Variants in CNTN5 observed in about 807,000 individuals in gnomAD.
CNTN5 encodes the protein contactin 5.
CNTN5 carries 77 observed loss-of-function variants against 129.1 expected under a neutral mutation model. The observed-to-expected ratio is 0.60, with a 90% CI of 0.50 to 0.72. The LOEUF (loss-of-function observed/expected upper bound fraction) is 0.72. Ranked by LOEUF, CNTN5 falls within the 30% of genes least tolerant of loss-of-function variation. The pLI, the probability that CNTN5 is intolerant of heterozygous loss-of-function variation, is 0.00. For synonymous variants in CNTN5, 509 were observed against 465.6 expected (o/e 1.09, Z -1.20); for missense variants, 1,478 against 1,328.8 (o/e 1.11, Z -1.75).
intron 2 of CNTN5, among the ~76,000 whole-genome samples, chr11:99,454,407 T>C (rs1433826813): frequency 6.6e-6 from 1 of 152,182 alleles, no homozygotes; most frequent in Non-Finnish European, 1.5e-5. Context: ...CCCCATGCTG[T>C]TCTCATAATA....
chr11:99,127,027 CT>C (rs1396240919), intron 1 of CNTN5, among the ~76,000 whole-genome samples: 2 of 152,112 alleles, frequency 1.3e-5, no homozygotes, highest in East Asian at 1.9e-4. Context: ...GTATTGATGA[CT>C]TTTTCTTTCC....
chr11:100,020,038 C>T (rs1461075516), intron 9 of CNTN5, among the ~76,000 whole-genome samples: 2 of 151,912 alleles, frequency 1.3e-5, no homozygotes, highest in Non-Finnish European at 2.9e-5. Context: ...GATATTAAAT[C>T]TTTATCATAT....
chr11:99,023,819 C>G (rs1862992942), intron 1 of CNTN5, among the ~76,000 whole-genome samples: 1 of 152,088 alleles, frequency 6.6e-6, no homozygotes, highest in Non-Finnish European at 1.5e-5. Flanking sequence ...ATTTCTCTTA[C>G]TTTAAATAAT....
chr11:99,467,533 T>C (rs1326559609), intron 2 of CNTN5, among the ~76,000 whole-genome samples: 1 of 152,182 alleles, frequency 6.6e-6, no homozygotes, highest in Non-Finnish European at 1.5e-5. Flanking sequence ...ATCTGCTCGG[T>C]TAACTCATCC....
intron 3 of CNTN5, among the ~76,000 whole-genome samples, chr11:99,626,089 T>C (rs1330452809): frequency 6.6e-6 from 1 of 151,892 alleles, no homozygotes; most frequent in Non-Finnish European, 1.5e-5. Context: ...AGAGATGTGT[T>C]AAGGGGTGAA....
chr11:99,686,048 C>T (rs927867464), intron 3 of CNTN5, among the ~76,000 whole-genome samples: 5 of 151,962 alleles, frequency 3.3e-5, no homozygotes, highest in Admixed American at 2.6e-4. Flanking sequence ...GTACAGTGAC[C>T]ATATTTCAAA....
At position 100,130,144 on chromosome 11, in the gene CNTN5, T is replaced by C. The variant is rs186483394; in HGVS notation, c.1580+55850T>C. Among the ~76,000 whole-genome samples the C allele has an allele frequency of 4.3e-4, 66 of 152,292 alleles. 1 individual carries two copies. Among genetic ancestry groups the C allele is most frequent in the Admixed American group, 2.6e-3 (39 of 15,284 alleles). ...TTCAAATTAAACCCACACTTTCTCA[T>C]TGATATCCGCATATTCTTTAAGAAA... On this transcript the variant is annotated intron_variant, in intron 13 of 24. Coordinates refer to ENST00000524871, the MANE Select transcript of CNTN5 (RefSeq NM_014361.4).
At chr11:99,989,721 G>A (rs1192007925) in intron 8 of CNTN5, among the ~76,000 whole-genome samples, 2 of 151,942 alleles carry the variant, frequency 1.3e-5, no homozygotes, top group Non-Finnish European at 2.9e-5. Context: ...CTCACTTAAA[G>A]TAAATATTTA....
At chr11:99,667,722 A>G (rs146703405) in intron 3 of CNTN5, among the ~76,000 whole-genome samples, 67 of 152,214 alleles carry the variant, frequency 4.4e-4, no homozygotes, top group African/African-American at 1.5e-3. Context: ...ACATGTTCTC[A>G]CTCATAAGTG....
At chr11:100,327,374 C>G (rs1318492642) in intron 21 of CNTN5, among the ~76,000 whole-genome samples, 1 of 152,228 alleles carries the variant, frequency 6.6e-6, no homozygotes, top group Non-Finnish European at 1.5e-5. Flanking sequence ...CCCACATCCC[C>G]CTCTTTCCAG....
intron 18 of CNTN5, among the ~76,000 whole-genome samples, chr11:100,283,356 G>T (rs1950684109): frequency 6.6e-6 from 1 of 152,140 alleles, no homozygotes; most frequent in South Asian, 2.1e-4. Context: ...TGGGAGGAAG[G>T]TATCTCTTAT....
intron 2 of CNTN5, among the ~76,000 whole-genome samples, chr11:99,477,239 C>T (rs1417499603): frequency 6.6e-6 from 1 of 151,850 alleles, no homozygotes; most frequent in Non-Finnish European, 1.5e-5. Flanking sequence ...ACAATTGAGA[C>T]TCTTTTAAAA....
At chr11:99,380,251 A>G (rs571428523) in intron 2 of CNTN5, among the ~76,000 whole-genome samples, 1 of 152,166 alleles carries the variant, frequency 6.6e-6, no homozygotes, top group Non-Finnish European at 1.5e-5. Context: ...TTCAGAGAAT[A>G]CTACACACTT....
intron 6 of CNTN5, among the ~76,000 whole-genome samples, chr11:99,887,979 C>G (rs1025964395): frequency 6.6e-6 from 1 of 152,120 alleles, no homozygotes; most frequent in African/African-American, 2.4e-5. Context: ...ATCCTTCAAT[C>G]CAGTCAAGTT....
At chr11:100,115,273 C>T (rs1007630998) in intron 13 of CNTN5, among the ~76,000 whole-genome samples, 3 of 152,024 alleles carry the variant, frequency 2.0e-5, no homozygotes, top group Admixed American at 2.0e-4. Context: ...GTGGTGACTA[C>T]AAGTTGTCTT....
chr11:99,234,543 T>C (rs1354473095), intron 1 of CNTN5, among the ~76,000 whole-genome samples: 2 of 152,146 alleles, frequency 1.3e-5, no homozygotes, highest in African/African-American at 4.8e-5. Context: ...ACTGTACATA[T>C]CATACCATTG....
At chr11:99,449,666 G>A (rs2135185312) in intron 2 of CNTN5, among the ~76,000 whole-genome samples, 1 of 152,300 alleles carries the variant, frequency 6.6e-6, no homozygotes, top group South Asian at 2.1e-4. Context: ...TTTAGATGGA[G>A]GGTCAGCTGG....
At position 100,002,114 on chromosome 11, in the gene CNTN5, A is replaced by G. The variant is rs1939912557; in HGVS notation, c.958A>G (p.Met320Val). The change falls in exon 9 of 25, where the codon ATG becomes GTG. Residue 320 changes from methionine (M) to valine (V), a missense_variant. Transcript: ENST00000524871. ...VTAAKGTTVK[M>V]ECFALGNPVP... Reference sequence around the variant, plus strand: ...AGCTGCTAAAGGAACAACTGTTAAGATGGAATGCTTTGCACTTGGCAAGTA... The same window carrying G: ...AGCTGCTAAAGGAACAACTGTTAAGGTGGAATGCTTTGCACTTGGCAAGTA... The G allele has an allele frequency of 6.3e-7, 1 of 1,588,034 alleles. No individual in the cohort carries two copies. Among genetic ancestry groups the G allele is most frequent in the Non-Finnish European group, 8.5e-7 (1 of 1,171,442 alleles).
intron 1 of CNTN5, among the ~76,000 whole-genome samples, chr11:99,094,958 A>ATATTAT (rs562112129): frequency 2.6e-5 from 4 of 151,606 alleles, no homozygotes; most frequent in African/African-American, 9.7e-5. Flanking sequence ...ACAACCATGC[A>ATATTAT]TATTATTATT....
Sources: allele counts gnomAD v4.1 joint callset (sites outside exome capture counted in the v4.1 genomes callset), GRCh38; gene constraint gnomAD v4.1.1; transcripts MANE v1.5; gene names NCBI Gene and HGNC (gene_info 2026-07-23, HGNC 2026-07-21).